The following RBFOX1 variants were observed in gnomAD, a reference collection of about 807,000 sequenced individuals.
RBFOX1 encodes the protein RNA binding fox-1 homolog 1, also known as RNA binding protein fox-1 homolog 1.
Under a neutral mutation model 57.7 loss-of-function variants are expected in RBFOX1, and 8 were observed. That is an observed-to-expected ratio of 0.14 (90% CI 0.08 to 0.25). The LOEUF (loss-of-function observed/expected upper bound fraction) is 0.25, where lower values mean the gene tolerates loss of function less well. Ranked by LOEUF, RBFOX1 falls within the 10% of genes least tolerant of loss-of-function variation. The pLI, the probability that RBFOX1 is intolerant of heterozygous loss-of-function variation, is 1.00. For synonymous variants in RBFOX1, 326 were observed against 222.4 expected (o/e 1.47, Z -4.15); for missense variants, 611 against 548.5 (o/e 1.11, Z -1.14).
chr16:7,221,655 C>G (rs1315767103), intron 4 of RBFOX1, among the ~76,000 whole-genome samples: 2 of 152,226 alleles, frequency 1.3e-5, no homozygotes, highest in Admixed American at 6.5e-5. Context: ...GCGTGAGCCA[C>G]TGCACCTGCC....
At chr16:7,356,777 C>T (rs765622002) in intron 4 of RBFOX1, among the ~76,000 whole-genome samples, 1 of 152,258 alleles carries the variant, frequency 6.6e-6, no homozygotes, top group Non-Finnish European at 1.5e-5. Flanking sequence ...CACATGGCTT[C>T]TGCAGTGCCT....
At chr16:7,025,045 C>T (rs1270322900) in intron 3 of RBFOX1, among the ~76,000 whole-genome samples, 1 of 151,942 alleles carries the variant, frequency 6.6e-6, no homozygotes. Flanking sequence ...TCAGATCTCC[C>T]GCAAGACAAG....
At position 7,670,254 on chromosome 16, in the gene RBFOX1, A is replaced by C. The variant is rs543940267; in HGVS notation, c.930+5286A>C. ...ACCATGTTGGCCAGGCTGGTCTCGA[A>C]CTTCCGACCTCAAGTGATCCAGCTG... On this transcript the variant is annotated intron_variant, in intron 13 of 15. Coordinates refer to ENST00000550418, the MANE Select transcript of RBFOX1 (RefSeq NM_018723.4). 5.3e-5 allele frequency among the ~76,000 whole-genome samples: 8 copies of C among 152,272 alleles called. No individual in the cohort carries two copies. The South Asian group carries it at 1.2e-3, about 24-fold the overall frequency.
At chr16:7,443,535 G>C (rs533905017) in intron 4 of RBFOX1, among the ~76,000 whole-genome samples, 3 of 151,500 alleles carry the variant, frequency 2.0e-5, no homozygotes, top group African/African-American at 7.3e-5. Flanking sequence ...CAACAACCTT[G>C]TTGGTGTAAT....
intron 11 of RBFOX1, among the ~76,000 whole-genome samples, chr16:7,632,687 T>A (rs542167715): frequency 6.6e-6 from 1 of 151,994 alleles, no homozygotes; most frequent in Admixed American, 6.6e-5. Flanking sequence ...TCCTAGAGTA[T>A]TATTTTTTTC....
intron 2 of RBFOX1, among the ~76,000 whole-genome samples, chr16:6,539,034 T>C (rs560729541): frequency 3.3e-5 from 5 of 152,238 alleles, no homozygotes; most frequent in African/African-American, 1.2e-4. Context: ...GAGTGTCCTA[T>C]ATGATTTGAA....
At chr16:7,009,264 TCCTCTTC>T (rs2153652506) in intron 3 of RBFOX1, among the ~76,000 whole-genome samples, 1 of 141,956 alleles carries the variant, frequency 7.0e-6, no homozygotes, top group African/African-American at 2.8e-5. Flanking sequence ...TTCCTCTCCT[TCCTCTTC>T]TTCTCTCTTT....
At chr16:5,720,261 G>A (rs2051879921) in intron 3 of RBFOX1, among the ~76,000 whole-genome samples, 3 of 152,056 alleles carry the variant, frequency 2.0e-5, no homozygotes, top group Admixed American at 2.0e-4. Context: ...GTCCATTTTT[G>A]ACTGGGTTAT....
At chr16:6,857,394 C>G (rs563641606) in intron 3 of RBFOX1, among the ~76,000 whole-genome samples, 1 of 151,832 alleles carries the variant, frequency 6.6e-6, no homozygotes, top group Non-Finnish European at 1.5e-5. Flanking sequence ...CTCCATCCTA[C>G]GAAGCATGGG....
At chr16:6,680,873 C>G (rs146460218) in intron 3 of RBFOX1, among the ~76,000 whole-genome samples, 156 of 152,270 alleles carry the variant, frequency 1.0e-3, no homozygotes, top group African/African-American at 3.1e-3. Context: ...GTTTCAGCTA[C>G]CATGGTGAGC....
At chr16:5,897,105 G>C (rs1184877637) in intron 4 of RBFOX1, among the ~76,000 whole-genome samples, 2 of 139,068 alleles carry the variant, frequency 1.4e-5, no homozygotes, top group East Asian at 4.4e-4. Flanking sequence ...GCGCAATCTC[G>C]GCTCACTGCA....
At chr16:5,934,949 G>A (rs2059138123) in intron 4 of RBFOX1, among the ~76,000 whole-genome samples, 1 of 152,208 alleles carries the variant, frequency 6.6e-6, no homozygotes, top group Non-Finnish European at 1.5e-5. Context: ...CAACACACCT[G>A]TGGGTAATTA....
chr16:6,217,942 G>A (rs1449018983), intron 1 of RBFOX1, among the ~76,000 whole-genome samples: 1 of 152,210 alleles, frequency 6.6e-6, no homozygotes, highest in East Asian at 1.9e-4. Context: ...CTTAAACCGG[G>A]GAGGTGGAGG....
chr16:5,881,221 T>C (rs2057753156), intron 4 of RBFOX1, among the ~76,000 whole-genome samples: 1 of 152,228 alleles, frequency 6.6e-6, no homozygotes, highest in Admixed American at 6.5e-5. Context: ...TGATTCTAGT[T>C]GGGTGAAAGT....
At chr16:6,200,751 G>A (rs2097209584) in intron 1 of RBFOX1, among the ~76,000 whole-genome samples, 1 of 152,128 alleles carries the variant, frequency 6.6e-6, no homozygotes, top group Admixed American at 6.5e-5. Context: ...TATTGTGATG[G>A]GATAGACAAG....
At chr16:7,545,918 G>C (rs11077197) in intron 5 of RBFOX1, among the ~76,000 whole-genome samples, 111,568 of 151,502 alleles carry the variant, frequency 0.74, 43,422 homozygotes, top group Middle Eastern at 0.88. Flanking sequence ...TGTTTTGAGA[G>C]TCACGTGCAA....
At chr16:5,364,897 C>T in intron 1 of RBFOX1, among the ~76,000 whole-genome samples, 1 of 152,086 alleles carries the variant, frequency 6.6e-6, no homozygotes, top group East Asian at 1.9e-4. Context: ...GCTTGGGCTC[C>T]CTCCATGATG....
At chr16:6,424,762 C>T (rs2093878099) in intron 2 of RBFOX1, among the ~76,000 whole-genome samples, 1 of 152,062 alleles carries the variant, frequency 6.6e-6, no homozygotes, top group East Asian at 1.9e-4. Flanking sequence ...TGTAATAATT[C>T]CTCTTCTAAG....
intron 3 of RBFOX1, among the ~76,000 whole-genome samples, chr16:6,720,770 A>G (rs1378243193): frequency 6.6e-6 from 1 of 152,164 alleles, no homozygotes; most frequent in Non-Finnish European, 1.5e-5. Context: ...CACCTTTTTT[A>G]TTCTTCAAAT....
Sources: allele counts gnomAD v4.1 joint callset (sites outside exome capture counted in the v4.1 genomes callset), GRCh38; gene constraint gnomAD v4.1.1; transcripts MANE v1.5; gene names NCBI Gene and HGNC (gene_info 2026-07-23, HGNC 2026-07-21).